The following NSRP1 variants were observed in gnomAD, a reference collection of about 807,000 sequenced individuals.
NSRP1 encodes nuclear speckle splicing regulatory protein 1.
In NSRP1, 24 loss-of-function variants were observed where a neutral mutation model predicts 54.7. The ratio of observed to expected loss-of-function variants is 0.44; its 90% CI spans 0.32 to 0.62. The LOEUF (loss-of-function observed/expected upper bound fraction) is 0.62, where lower values mean the gene tolerates loss of function less well. Among genes scored for constraint, NSRP1 ranks in the 20% least tolerant of loss-of-function variants. The pLI is 0.06. For missense variants in NSRP1, 596 were observed against 651.2 expected (o/e 0.92, Z 0.92); for synonymous variants, 210 against 213.8 (o/e 0.98, Z 0.15).
chr17:30,172,682 G>C (rs537894580), intron 3 of NSRP1, 84 bp downstream of exon 3: 2 of 1,012,728 alleles, frequency 2.0e-6, no homozygotes, highest in Non-Finnish European at 3.0e-6. Context: ...TAGGTGCTGA[G>C]ACTAAAACAG....
chr17:30,118,070 AT>A lies in NSRP1; in HGVS notation c.21-9del, dbSNP rs776004313. ...AGGTTTAATTTCTATTTCAAAAAAA[AT>A]ATATGCAGGTATGGGCTTATTTTGC... On this transcript the variant is annotated splice_polypyrimidine_tract_variant and intron_variant, in intron 1 of 6. Transcript: ENST00000247026. The A allele has an allele frequency of 5.6e-6, 9 of 1,605,344 alleles. No individual in the cohort carries two copies. Among genetic ancestry groups the A allele is most frequent in the Admixed American group, 1.7e-5 (1 of 58,536 alleles).
chr17:30,163,701 T>G (rs1159734282), intron 2 of NSRP1, among the ~76,000 whole-genome samples: 1 of 145,726 alleles, frequency 6.9e-6, no homozygotes, highest in African/African-American at 2.6e-5. Context: ...TTTTTTTTTT[T>G]GAGATAGTCT....
intron 2 of NSRP1, among the ~76,000 whole-genome samples, chr17:30,161,347 C>T (rs1904508809): frequency 6.6e-6 from 1 of 152,058 alleles, no homozygotes; most frequent in East Asian, 1.9e-4. Flanking sequence ...TCTATATATG[C>T]TTGTGTTCAT....
intron 2 of NSRP1, among the ~76,000 whole-genome samples, chr17:30,142,845 T>G (rs1431820774): frequency 6.6e-6 from 1 of 152,224 alleles, no homozygotes; most frequent in Non-Finnish European, 1.5e-5. Flanking sequence ...ATTGCAAATT[T>G]GGGTTTGTGG....
intron 2 of NSRP1, among the ~76,000 whole-genome samples, chr17:30,145,625 A>G (rs559703921): frequency 6.6e-6 from 1 of 152,138 alleles, no homozygotes; most frequent in African/African-American, 2.4e-5. Flanking sequence ...ACTTTCTGAA[A>G]TGGCTTTATC....
intron 2 of NSRP1, among the ~76,000 whole-genome samples, chr17:30,126,420 C>G (rs1224411007): frequency 6.6e-6 from 1 of 152,170 alleles, no homozygotes; most frequent in Non-Finnish European, 1.5e-5. Context: ...AAGATACCTT[C>G]TTTGATTTTC....
intron 2 of NSRP1, among the ~76,000 whole-genome samples, chr17:30,146,816 G>T (rs141067589): frequency 1.1e-4 from 17 of 152,096 alleles, no homozygotes; most frequent in Non-Finnish European, 1.6e-4. Context: ...TGTTGGCCAG[G>T]CTGGCCTCAA....
At chr17:30,137,854 A>G (rs2071763731) in intron 2 of NSRP1, among the ~76,000 whole-genome samples, 1 of 152,222 alleles carries the variant, frequency 6.6e-6, no homozygotes, top group South Asian at 2.1e-4. Flanking sequence ...TAAATTGTAA[A>G]ATATGCATAA....
chr17:30,119,403 G>C (rs958049125), intron 2 of NSRP1, among the ~76,000 whole-genome samples: 5 of 152,104 alleles, frequency 3.3e-5, no homozygotes, highest in Non-Finnish European at 7.4e-5. Flanking sequence ...AGGAGAGACG[G>C]GGTTTCACCA....
intron 2 of NSRP1, among the ~76,000 whole-genome samples, chr17:30,140,651 C>T (rs760387688): frequency 5.3e-5 from 8 of 150,150 alleles, no homozygotes; most frequent in Non-Finnish European, 1.0e-4. Context: ...GCCTCAGCTT[C>T]CCTGAGTAGC....
intron 2 of NSRP1, chr17:30,150,752 A>T (rs1163802966): frequency 8.0e-6 from 1 of 124,328 alleles, no homozygotes; most frequent in Non-Finnish European, 1.6e-5. Flanking sequence ...CAATGGCGCG[A>T]TCTCGGTTCA....
intron 3 of NSRP1, among the ~76,000 whole-genome samples, chr17:30,173,861 G>A (rs1053635065): frequency 5.3e-5 from 8 of 152,152 alleles, no homozygotes; most frequent in Non-Finnish European, 1.0e-4. Flanking sequence ...ACACCCTCCC[G>A]GACGAATTGG....
At chr17:30,139,043 G>C (rs964564780) in intron 2 of NSRP1, among the ~76,000 whole-genome samples, 1 of 143,142 alleles carries the variant, frequency 7.0e-6, no homozygotes, top group Non-Finnish European at 1.5e-5. Context: ...TCAGCCTCCC[G>C]AGTAGCTGGG....
chr17:30,128,345 A>G (rs144740511), intron 2 of NSRP1: 1 of 152,122 alleles, frequency 6.6e-6, no homozygotes, highest in East Asian at 1.9e-4. Flanking sequence ...TCTAATGAAC[A>G]TTAAAAATAC....
chr17:30,185,813 G>T lies in NSRP1; in HGVS notation c.*139G>T, dbSNP rs1218929793. 1 of 958,820 alleles carries T rather than the reference G, an allele frequency of 1.0e-6. No individual in the cohort carries two copies. Among genetic ancestry groups the T allele is most frequent in the Non-Finnish European group, 1.5e-6 (1 of 667,318 alleles). The allele number at this position is 958,820 out of a possible 1,614,324, so 59.4% of individuals were successfully genotyped here. A position where few individuals can be genotyped will look rare whatever the true frequency, so the allele number is the denominator to read the frequency against. ...TTATTTTCAAAATTTTAAGTTAAAA[G>T]TCAGTCTTACAGCTTGGATGTTTGG... is the stretch of plus-strand genomic sequence containing the variant. On this transcript the variant is annotated 3_prime_UTR_variant, in exon 7 of 7. Coordinates refer to ENST00000247026, the MANE Select transcript of NSRP1 (RefSeq NM_032141.4).
intron 2 of NSRP1, among the ~76,000 whole-genome samples, chr17:30,146,141 G>C (rs956280853): frequency 6.6e-6 from 1 of 151,986 alleles, no homozygotes; most frequent in African/African-American, 2.4e-5. Context: ...GAGCCACTGT[G>C]CTTGGCCAAA....
intron 2 of NSRP1, among the ~76,000 whole-genome samples, chr17:30,118,561 CT>C (rs35779000): frequency 6.6e-6 from 1 of 151,164 alleles, no homozygotes. Flanking sequence ...AACAACGCTA[CT>C]TTTTTTTTAA....
Position 30,186,297 on chromosome 17 carries a change from C to A in NSRP1, c.*623C>A, listed in dbSNP as rs1388540391. ...TTTTTTTTAAATAAATAATTTAACT[C>A]TTCTAATAATGTTTTGTTGCAGGAA... On this transcript the variant is annotated 3_prime_UTR_variant, in exon 7 of 7. Coordinates refer to ENST00000247026, the MANE Select transcript of NSRP1 (RefSeq NM_032141.4). 2 of 152,028 alleles carry A rather than the reference C, an allele frequency of 1.3e-5. No homozygotes were observed. Among genetic ancestry groups the A allele is most frequent in the South Asian group, 2.1e-4 (1 of 4,824 alleles). 9.4% of individuals were successfully genotyped at this position (152,028 alleles called of 1,614,324 possible). A position where few individuals can be genotyped will look rare whatever the true frequency, so the allele number is the denominator to read the frequency against.
At chr17:30,138,549 G>T (rs1278902823) in intron 2 of NSRP1, among the ~76,000 whole-genome samples, 1 of 152,016 alleles carries the variant, frequency 6.6e-6, no homozygotes, top group African/African-American at 2.4e-5. Flanking sequence ...ATTGTTTAGG[G>T]AATAATAACA....
Sources: allele counts gnomAD v4.1 joint callset (sites outside exome capture counted in the v4.1 genomes callset), GRCh38; gene constraint gnomAD v4.1.1; transcripts MANE v1.5; gene names NCBI Gene and HGNC (gene_info 2026-07-23, HGNC 2026-07-21).